Variants in ABTB3 observed in about 807,000 individuals in gnomAD.
ABTB3 encodes the protein ankyrin repeat and BTB domain containing 3.
chr12:107,535,107 T>C, the ABTB3 span, among the ~76,000 whole-genome samples: 1 of 152,184 alleles, frequency 6.6e-6, no homozygotes, highest in African/African-American at 2.4e-5. Flanking sequence ...TCTGGTTGGA[T>C]TAATCCTAGA....
the ABTB3 span, chr12:107,543,842 G>C: frequency 8.3e-7 from 1 of 1,201,600 alleles, no homozygotes; most frequent in Non-Finnish European, 1.1e-6. Flanking sequence ...ATAAGGGACT[G>C]CAAGGACCAG....
the ABTB3 span, among the ~76,000 whole-genome samples, chr12:107,346,492 C>T: frequency 1.3e-4 from 20 of 152,088 alleles, no homozygotes; most frequent in Non-Finnish European, 2.5e-4. Context: ...TAGAGGCTTG[C>T]TCTGTGACCG....
chr12:107,610,407 C>T, the ABTB3 span: 15 of 1,595,336 alleles, frequency 9.4e-6, no homozygotes, highest in South Asian at 1.3e-4. Context: ...ATGTGCATCA[C>T]CCCTGGCAAG....
the ABTB3 span, among the ~76,000 whole-genome samples, chr12:107,370,918 A>T: frequency 6.6e-6 from 1 of 152,108 alleles, no homozygotes; most frequent in South Asian, 2.1e-4. Flanking sequence ...TGGCCAAGAA[A>T]GGCTATCACC....
chr12:107,538,046 T>C, the ABTB3 span, among the ~76,000 whole-genome samples: 12 of 151,788 alleles, frequency 7.9e-5, no homozygotes, highest in Admixed American at 7.9e-4. Context: ...GCCTCCATGG[T>C]CTATGCAGCT....
At chr12:107,434,696 C>T in the ABTB3 span, among the ~76,000 whole-genome samples, 4 of 151,924 alleles carry the variant, frequency 2.6e-5, no homozygotes, top group African/African-American at 9.7e-5. Context: ...GACCCCGTCT[C>T]TACAAAAAAA....
the ABTB3 span, among the ~76,000 whole-genome samples, chr12:107,426,438 G>T: frequency 2.6e-5 from 4 of 152,104 alleles, no homozygotes; most frequent in Non-Finnish European, 5.9e-5. Flanking sequence ...GCCTGGAGTG[G>T]GCTCCCTGGC....
chr12:107,503,756 C>CAAAAAAAAAAAAAAAAAAAA, the ABTB3 span, among the ~76,000 whole-genome samples: 10 of 70,728 alleles, frequency 1.4e-4, no homozygotes, highest in African/African-American at 2.1e-4. Flanking sequence ...GACCCTATCT[C>CAAAAAAAAAAAAAAAAAAAA]AAAAAAAAAA....
chr12:107,394,800 A>T, the ABTB3 span, among the ~76,000 whole-genome samples: 7 of 152,352 alleles, frequency 4.6e-5, no homozygotes, highest in Middle Eastern at 3.4e-3. Flanking sequence ...CCTCATCATC[A>T]TTATGATCAT....
At chr12:107,493,749 A>T in the ABTB3 span, among the ~76,000 whole-genome samples, 33 of 152,274 alleles carry the variant, frequency 2.2e-4, no homozygotes, top group Non-Finnish European at 4.4e-4. Flanking sequence ...TGAAATTTGG[A>T]CACTGACACA....
At chr12:107,421,392 C>A in the ABTB3 span, among the ~76,000 whole-genome samples, 1 of 152,166 alleles carries the variant, frequency 6.6e-6, no homozygotes, top group African/African-American at 2.4e-5. Context: ...AGAGGGATGG[C>A]AAGTACTGAC....
At chr12:107,655,726 G>T in the ABTB3 span, among the ~76,000 whole-genome samples, 1 of 152,170 alleles carries the variant, frequency 6.6e-6, no homozygotes, top group Non-Finnish European at 1.5e-5. Context: ...TTCCACAAAT[G>T]CATGGCTTAG....
the ABTB3 span, among the ~76,000 whole-genome samples, chr12:107,592,872 A>G: frequency 6.6e-6 from 1 of 152,330 alleles, no homozygotes; most frequent in African/African-American, 2.4e-5. Context: ...GTCAGCGTGT[A>G]GGTGGTCATT....
chr12:107,431,890 T>C, the ABTB3 span, among the ~76,000 whole-genome samples: 1 of 152,216 alleles, frequency 6.6e-6, no homozygotes, highest in Admixed American at 6.5e-5. Context: ...GGCCCCGGCC[T>C]GGCCCATGGA....
the ABTB3 span, among the ~76,000 whole-genome samples, chr12:107,410,788 C>T: frequency 2.0e-5 from 3 of 152,096 alleles, no homozygotes; most frequent in East Asian, 5.8e-4. Flanking sequence ...GCAAGCTTGT[C>T]ATGGGTTTCA....
chr12:107,520,255 G>A, the ABTB3 span: 3 of 985,378 alleles, frequency 3.0e-6, no homozygotes, highest in Non-Finnish European at 3.6e-6. Context: ...ATGTACAGAC[G>A]AATGCCCACA....
the ABTB3 span, among the ~76,000 whole-genome samples, chr12:107,548,692 G>A: frequency 6.6e-6 from 1 of 152,024 alleles, no homozygotes; most frequent in Non-Finnish European, 1.5e-5. Flanking sequence ...TTACGATTAG[G>A]TGATATTTAT....
chr12:107,364,961 G>A, the ABTB3 span, among the ~76,000 whole-genome samples: 1 of 152,118 alleles, frequency 6.6e-6, no homozygotes, highest in Non-Finnish European at 1.5e-5. Flanking sequence ...AGTAGGTGTT[G>A]CTCTCTGTCA....
At chr12:107,420,153 C>G in the ABTB3 span, among the ~76,000 whole-genome samples, 1 of 152,182 alleles carries the variant, frequency 6.6e-6, no homozygotes, top group Non-Finnish European at 1.5e-5. Flanking sequence ...TGAAACTGCT[C>G]TCTCAGGGAC....
Sources: allele counts gnomAD v4.1 joint callset (sites outside exome capture counted in the v4.1 genomes callset), GRCh38; gene constraint gnomAD v4.1.1; transcripts MANE v1.5; gene names NCBI Gene and HGNC (gene_info 2026-07-23, HGNC 2026-07-21).